The following NMS variants were observed in gnomAD, a reference collection of about 807,000 sequenced individuals.
NMS encodes neuromedin S, also known as neuromedin-S.
A neutral mutation model predicts 32.2 loss-of-function variants in NMS; 30 were observed. The observed-to-expected ratio is 0.93, with a 90% confidence interval of 0.70 to 1.26. NMS has a LOEUF of 1.26. Among genes scored for constraint, NMS ranks in the 50% most tolerant of loss-of-function variants. The probability of loss-of-function intolerance (pLI) is 0.00; values close to 1 mark genes in which losing one functional copy is unlikely to be tolerated. For synonymous variants in NMS, 76 were observed against 58.5 expected (o/e 1.30, Z -1.37); for missense variants, 190 against 186.3 (o/e 1.02, Z -0.12).
intron 6 of NMS, 84 bp from the exon 7 acceptor site, chr2:100,480,412 C>A: frequency 7.2e-7 from 1 of 1,382,020 alleles, no homozygotes; most frequent in Non-Finnish European, 1.0e-6. Context: ...AGAAGCAAGG[C>A]AGGGAGGGCA....
chr2:100,479,498 G>A, intron 6 of NMS, 71 bp downstream of exon 6: 2 of 1,309,204 alleles, frequency 1.5e-6, no homozygotes, highest in East Asian at 2.5e-5. Context: ...AAAGCATGCT[G>A]TCACCTTGGG....
chr2:100,473,687 C>G (rs1049279134), intron 3 of NMS, 148 bp downstream of exon 3: 1 of 254,164 alleles, frequency 3.9e-6, no homozygotes. Flanking sequence ...AAGCAAATAT[C>G]TTAAATATAA....
At chr2:100,474,540 C>T (rs1677070093) in intron 3 of NMS, among the ~76,000 whole-genome samples, 1 of 152,202 alleles carries the variant, frequency 6.6e-6, no homozygotes, top group South Asian at 2.1e-4. Context: ...TCTGTTTAAA[C>T]TTGGTAGTTT....
At chr2:100,482,125 C>A in intron 8 of NMS, 152 bp from the exon 9 acceptor site, 1 of 730,382 alleles carries the variant, frequency 1.4e-6, no homozygotes, top group Non-Finnish European at 2.4e-6. Flanking sequence ...TAGCACAGGG[C>A]GAGGGCTTCC....
intron 9 of NMS, among the ~76,000 whole-genome samples, chr2:100,482,532 C>T (rs1163349219): frequency 6.6e-6 from 1 of 151,986 alleles, no homozygotes; most frequent in East Asian, 1.9e-4. Flanking sequence ...GGCAATATTG[C>T]AGCCTTCACT....
intron 2 of NMS, 28 bp from the exon 3 acceptor site, chr2:100,473,461 G>A: frequency 7.0e-7 from 1 of 1,426,198 alleles, no homozygotes; most frequent in South Asian, 1.6e-5. Flanking sequence ...TCATCCCTTT[G>A]ATTTGTTTTC....
rs1677232867 is a variant in NMS at position 100,482,260 on chromosome 2, G to T, written c.415-17G>T. ...AGTTGTGTCTCAGTATTCATAAGTTGCTCCTTTTTTTTTCAGCCCAGGAAT... is the reference window on the plus strand; with the variant it reads ...AGTTGTGTCTCAGTATTCATAAGTTTCTCCTTTTTTTTTCAGCCCAGGAAT... On this transcript the variant is annotated splice_polypyrimidine_tract_variant and intron_variant, in intron 8 of 9. Transcript: ENST00000376865. 6.2e-7 allele frequency: 1 copy of T among 1,613,056 alleles called. No homozygotes were observed. Among genetic ancestry groups the T allele is most frequent in the Non-Finnish European group, 8.5e-7 (1 of 1,179,212 alleles).
In NMS at chr2:100,471,820, G is replaced by C. The variant is rs572268572; in HGVS notation, c.77-975G>C. On this transcript the variant is annotated intron_variant, in intron 1 of 9. Coordinates refer to ENST00000376865, the MANE Select transcript of NMS (RefSeq NM_001011717.1). Reference sequence around the variant, plus strand: ...ACCGTCAGTCTTTATTCTGTTATTTGGGGGAAACACAGGATAAGACTAATA... The same window carrying C: ...ACCGTCAGTCTTTATTCTGTTATTTCGGGGAAACACAGGATAAGACTAATA... Among the ~76,000 whole-genome samples the C allele has an allele frequency of 1.1e-4, 16 of 152,228 alleles. 1 individual carries two copies. Among genetic ancestry groups the C allele is most frequent in the African/African-American group, 3.8e-4 (16 of 41,562 alleles).
At chr2:100,475,858 G>A (rs1677098622) in intron 3 of NMS, among the ~76,000 whole-genome samples, 1 of 151,930 alleles carries the variant, frequency 6.6e-6, no homozygotes, top group Admixed American at 6.6e-5. Flanking sequence ...AGTTAGCCAG[G>A]CGTGGTGGCG....
At chr2:100,480,458 G>C (rs758491716) in intron 6 of NMS, 38 bp from the exon 7 acceptor site, 2 of 1,609,214 alleles carry the variant, frequency 1.2e-6, no homozygotes, top group Non-Finnish European at 8.5e-7. Flanking sequence ...TCATGATGTG[G>C]TTCCTGTTGA....
At chr2:100,480,223 G>A (rs1417346955) in intron 6 of NMS, among the ~76,000 whole-genome samples, 5 of 152,228 alleles carry the variant, frequency 3.3e-5, no homozygotes, top group Non-Finnish European at 5.9e-5. Context: ...TGCCCATTTC[G>A]AAGTTGGCGC....
At chr2:100,478,108 T>G (rs1202803710) in intron 5 of NMS, among the ~76,000 whole-genome samples, 1 of 151,892 alleles carries the variant, frequency 6.6e-6, no homozygotes. Flanking sequence ...ATTACAGGCA[T>G]GCGCCACCAT....
chr2:100,476,027 G>GAAAAT (rs1271569071), intron 3 of NMS, among the ~76,000 whole-genome samples: 4 of 146,730 alleles, frequency 2.7e-5, no homozygotes, highest in Non-Finnish European at 6.0e-5. Flanking sequence ...GAAAAGAAAA[G>GAAAAT]AAAAAAGTAA....
intron 9 of NMS, 87 bp downstream of exon 9, chr2:100,482,398 T>C (rs1677236557): frequency 1.9e-5 from 24 of 1,239,898 alleles, no homozygotes; most frequent in Non-Finnish European, 2.5e-5. Context: ...GAGGCAGCCA[T>C]GGGGAGGACC....
At chr2:100,473,448 C>A (rs1317955303) in intron 2 of NMS, 41 bp from the exon 3 acceptor site, 2 of 1,233,030 alleles carry the variant, frequency 1.6e-6, no homozygotes, top group African/African-American at 1.5e-5. Flanking sequence ...CTCTTCATCC[C>A]CCTCATCCCT....
chr2:100,480,237 T>G (rs977753598), intron 6 of NMS, among the ~76,000 whole-genome samples: 9 of 152,212 alleles, frequency 5.9e-5, no homozygotes, highest in Non-Finnish European at 1.3e-4. Context: ...TTGGCGCTGT[T>G]AGGAGGAGCA....
chr2:100,477,808 T>C (rs1677140461), intron 5 of NMS, among the ~76,000 whole-genome samples: 1 of 152,176 alleles, frequency 6.6e-6, no homozygotes, highest in Admixed American at 6.5e-5. Context: ...GATCCATGGA[T>C]GAACATCTTC....
At chr2:100,474,543 G>A (rs901775906) in intron 3 of NMS, among the ~76,000 whole-genome samples, 1 of 152,166 alleles carries the variant, frequency 6.6e-6, no homozygotes, top group East Asian at 1.9e-4. Flanking sequence ...GTTTAAACTT[G>A]GTAGTTTCTT....
rs766631176 is a variant in NMS, at chr2:100,472,813, C to T, written c.95C>T (p.Ala32Val). 1.2e-6 allele frequency: 2 copies of T among 1,609,654 alleles called. No individual in the cohort carries two copies. Among genetic ancestry groups the T allele is most frequent in the Non-Finnish European group, 8.5e-7 (1 of 1,176,362 alleles). The stretch of plus-strand genomic sequence containing the variant: ...ACAATAGGATTTCCTCAACCTTTAG[C>T]TGATCCTTCAGATGGCTTGGATATT... ...IPSSGFPQPL[A>V]DPSDGLDIVQ... Residue 32 changes from alanine to valine, a missense_variant, in exon 2 of 10, where the codon GCT becomes GTT. Transcript: ENST00000376865.
Sources: gnomAD v4.1 joint callset for allele counts (sites outside exome capture counted in the v4.1 genomes callset) on GRCh38, gnomAD v4.1.1 for gene constraint, MANE v1.5 for transcripts, NCBI Gene and HGNC (gene_info 2026-07-23, HGNC 2026-07-21) for gene names.